EDEM2: variants seen among roughly 807,000 people sequenced by gnomAD.
EDEM2 encodes ER degradation-enhancing alpha-mannosidase-like protein 2.
A neutral mutation model predicts 64.8 loss-of-function variants in EDEM2; 39 were observed. The observed-to-expected ratio is 0.60, with a 90% CI of 0.47 to 0.79. EDEM2 has a LOEUF of 0.79. Ranked by LOEUF, EDEM2 falls within the 30% of genes least tolerant of loss-of-function variation. The pLI is 0.00. For synonymous variants in EDEM2, 296 were observed against 291.5 expected (o/e 1.02, Z -0.16); for missense variants, 609 against 731.3 (o/e 0.83, Z 1.93).
chr20:35,136,264 C>G (rs2085574674), intron 5 of EDEM2, among the ~76,000 whole-genome samples: 1 of 152,032 alleles, frequency 6.6e-6, no homozygotes, highest in African/African-American at 2.4e-5. Context: ...ATAAAATGAC[C>G]AATGACCAAA....
At chr20:35,132,408 G>A (rs1269998439) in intron 6 of EDEM2, among the ~76,000 whole-genome samples, 1 of 151,716 alleles carries the variant, frequency 6.6e-6, no homozygotes. Flanking sequence ...ATCCCAGCAC[G>A]TTGGGAGGCT....
intron 8 of EDEM2, among the ~76,000 whole-genome samples, chr20:35,124,505 A>T (rs2085407337): frequency 6.6e-6 from 1 of 152,050 alleles, no homozygotes. Context: ...GGCTCAAGAG[A>T]TCCTCTCACC....
At chr20:35,138,583 T>C (rs2085609627) in intron 4 of EDEM2, among the ~76,000 whole-genome samples, 1 of 151,028 alleles carries the variant, frequency 6.6e-6, no homozygotes, top group Non-Finnish European at 1.5e-5. Flanking sequence ...TGTAGAACTT[T>C]TTTTTTTTTT....
chr20:35,128,850 T>C (rs941571841), intron 7 of EDEM2, among the ~76,000 whole-genome samples: 2 of 150,974 alleles, frequency 1.3e-5, no homozygotes, highest in African/African-American at 2.5e-5. Context: ...AGGATATAAA[T>C]AAAATATTTC....
intron 5 of EDEM2, among the ~76,000 whole-genome samples, chr20:35,136,697 G>A (rs943219961): frequency 2.7e-5 from 4 of 148,366 alleles, no homozygotes; most frequent in Admixed American, 1.4e-4. Flanking sequence ...AGAGGCTGCA[G>A]TGAGCCATGA....
At chr20:35,128,399 A>G (rs1337425998) in intron 7 of EDEM2, among the ~76,000 whole-genome samples, 1 of 149,080 alleles carries the variant, frequency 6.7e-6, no homozygotes, top group African/African-American at 2.5e-5. Flanking sequence ...AAATAAAAAC[A>G]AAAACAAAAA....
chr20:35,129,183 G>T (rs908993141), intron 7 of EDEM2, among the ~76,000 whole-genome samples: 1 of 152,126 alleles, frequency 6.6e-6, no homozygotes, highest in Non-Finnish European at 1.5e-5. Context: ...GAGGCGGGTG[G>T]ATTGCCTGAG....
chr20:35,143,669 A>G (rs2085688470), intron 3 of EDEM2, among the ~76,000 whole-genome samples: 1 of 152,062 alleles, frequency 6.6e-6, no homozygotes, highest in East Asian at 1.9e-4. Context: ...GGTTTGGGAG[A>G]GGCTGATCCC....
At chr20:35,126,545 C>G (rs2085435587) in intron 7 of EDEM2, among the ~76,000 whole-genome samples, 170 bp from the exon 8 acceptor site, 1 of 152,154 alleles carries the variant, frequency 6.6e-6, no homozygotes, top group South Asian at 2.1e-4. Context: ...GCTCAAATTC[C>G]AGCTCCAGCT....
rs1569180322 is a variant in EDEM2 at position 35,134,811 on chromosome 20, C to T, written c.629G>A (p.Gly210Asp). 3 of 1,614,148 alleles carry T rather than the reference C, an allele frequency of 1.9e-6. No individual in the cohort carries two copies. The highest frequency in any genetic ancestry group is 4.5e-5 in the East Asian group (2 of 44,884). The change falls in exon 6 of 11, where the codon GGT (glycine) becomes GAT (aspartate). Residue 210 changes from glycine (G) to aspartate (D), a missense_variant. Physicochemically the swap from Gly to Asp is moderately conservative, Grantham distance 94. Coordinates refer to ENST00000374492, the MANE Select transcript of EDEM2 (RefSeq NM_018217.3). ...VEFATLSSLT[G>D]DPVFEDVARV... ...GGCCACATCTTCGAACACCGGGTCACCAGTGAGGCTGCTCAGGGTGGCAAA... is the reference window on the plus strand; with the variant it reads ...GGCCACATCTTCGAACACCGGGTCATCAGTGAGGCTGCTCAGGGTGGCAAA...
Position 35,131,651 on chromosome 20 carries a change from T to C in EDEM2, c.835A>G (p.Met279Val). 1.2e-6 allele frequency: 2 copies of C among 1,613,894 alleles called. No homozygotes were observed. Among genetic ancestry groups the C allele is most frequent in the Non-Finnish European group, 1.7e-6 (2 of 1,179,796 alleles). Reference sequence around the variant, plus strand: ...ACTCTGCCATTTTTACCTAGGAACATGGCCATGAGCTTCTTATCCTGAAGC... The same window carrying C: ...ACTCTGCCATTTTTACCTAGGAACACGGCCATGAGCTTCTTATCCTGAAGC... ...ILLQDKKLMA[M>V]FLEYNKAIRN... The change falls in exon 7 of 11, where the codon ATG (methionine) becomes GTG (valine). Residue 279 changes from methionine to valine, a missense_variant. Transcript: ENST00000374492.
At chr20:35,140,969 A>C (rs1319781114) in intron 4 of EDEM2, among the ~76,000 whole-genome samples, 1 of 151,922 alleles carries the variant, frequency 6.6e-6, no homozygotes, top group Non-Finnish European at 1.5e-5. Context: ...AAAATACAAA[A>C]ATTAGCAGGG....
At chr20:35,124,147 CCT>C in intron 8 of EDEM2, 113 bp from the exon 9 acceptor site, 1 of 1,305,170 alleles carries the variant, frequency 7.7e-7, no homozygotes, top group Non-Finnish European at 1.1e-6. Flanking sequence ...TGAATCAATC[CCT>C]GAGTCTGCCA....
rs773772404 is a variant in EDEM2 at position 35,126,341 on chromosome 20, G to A, written c.879C>T (p.Phe293=). 16 of 1,613,976 alleles carry A rather than the reference G, an allele frequency of 9.9e-6. No individual in the cohort carries two copies. The highest frequency in any genetic ancestry group is 6.7e-5 in the East Asian group (3 of 44,898). The change falls in exon 8 of 11, where the codon TTC becomes TTT. Residue 293 remains phenylalanine, a synonymous_variant. Coordinates refer to ENST00000374492, the MANE Select transcript of EDEM2 (RefSeq NM_018217.3). ...TCTGAACCCACAGGTACCAGTCATC[G>A]AAGCGGGTGTAGTTCCGGATGGCTT... is the stretch of plus-strand genomic sequence containing the variant. The part of the protein sequence containing the change: ...YNKAIRNYTR[F]DDWYLWVQMY...
At position 35,134,830 on chromosome 20, in the gene EDEM2, T is replaced by C. The variant is rs1277055502; in HGVS notation, c.610A>G (p.Thr204Ala). 1 of 1,614,012 alleles carries C rather than the reference T, an allele frequency of 6.2e-7. No individual in the cohort carries two copies. The change falls in exon 6 of 11, where the codon ACC becomes GCC. Residue 204 changes from threonine (T) to alanine (A), a missense_variant. Coordinates refer to ENST00000374492, the MANE Select transcript of EDEM2 (RefSeq NM_018217.3). ...GIGTFIVEFA[T>A]LSSLTGDPVF... is the part of the protein sequence containing the mutation. Reference sequence around the variant, plus strand: ...GGGTCACCAGTGAGGCTGCTCAGGGTGGCAAATTCAACAATGAAGGTCCCA... The same window carrying C: ...GGGTCACCAGTGAGGCTGCTCAGGGCGGCAAATTCAACAATGAAGGTCCCA...
At position 35,146,899 on chromosome 20, in the gene EDEM2, G is replaced by A. The variant is rs1427608260; in HGVS notation, c.144C>T (p.Asp48=). The part of the protein sequence containing the change: ...RVKAMFYHAY[D]SYLENAFPFD... ...AGGGAAAGGCATTCTCCAGGTAGCT[G>A]TCGTAGGCGTGGTAGAACATGGCCT... The change falls in exon 2 of 11, where the codon GAC becomes GAT. Residue 48 remains aspartate (D), a synonymous_variant. Coordinates refer to ENST00000374492, the MANE Select transcript of EDEM2 (RefSeq NM_018217.3). 1 of 1,614,162 alleles carries A rather than the reference G, an allele frequency of 6.2e-7. No individual in the cohort carries two copies. Among genetic ancestry groups the A allele is most frequent in the South Asian group, 1.1e-5 (1 of 91,078 alleles).
chr20:35,145,195 T>G (rs1244577763), intron 2 of EDEM2, among the ~76,000 whole-genome samples, 177 bp from the exon 3 acceptor site: 1 of 152,210 alleles, frequency 6.6e-6, no homozygotes, highest in African/African-American at 2.4e-5. Context: ...CTGACCCACT[T>G]AATGCACCTG....
intron 9 of EDEM2, among the ~76,000 whole-genome samples, chr20:35,121,338 T>A (rs2085365646): frequency 6.6e-6 from 1 of 152,118 alleles, no homozygotes; most frequent in African/African-American, 2.4e-5. Context: ...ATCCCTCACA[T>A]ATGCAGTTCA....
At chr20:35,116,542 G>A (rs1290970397) in intron 10 of EDEM2, among the ~76,000 whole-genome samples, 2 of 152,062 alleles carry the variant, frequency 1.3e-5, no homozygotes, top group Non-Finnish European at 2.9e-5. Context: ...GGAGCACTCC[G>A]CCTCCAGTTT....
Sources: allele counts gnomAD v4.1 joint callset (sites outside exome capture counted in the v4.1 genomes callset), GRCh38; gene constraint gnomAD v4.1.1; transcripts MANE v1.5; gene names NCBI Gene and HGNC (gene_info 2026-07-23, HGNC 2026-07-21).